OLA1: variants seen among roughly 807,000 people sequenced by gnomAD.
OLA1 encodes the protein Obg like ATPase 1.
Under a neutral mutation model 48.4 loss-of-function variants are expected in OLA1, and 14 were observed. The observed-to-expected ratio is 0.29, with a 90% CI of 0.19 to 0.45. The LOEUF (loss-of-function observed/expected upper bound fraction) is 0.45, where lower values mean the gene tolerates loss of function less well. OLA1 is among the 20% of genes least tolerant of loss of function. OLA1 has a pLI of 1.00. For missense variants in OLA1, 325 were observed against 467.1 expected (o/e 0.70, Z 2.80); for synonymous variants, 127 against 150.4 (o/e 0.84, Z 1.14).
intron 4 of OLA1, among the ~76,000 whole-genome samples, chr2:174,176,550 T>G (rs896371772): frequency 6.6e-6 from 1 of 152,164 alleles, no homozygotes; most frequent in Non-Finnish European, 1.5e-5. Context: ...TTTCTACTTC[T>G]AATGATTTGG....
At position 174,213,310 on chromosome 2, in the gene OLA1, T is replaced by C. The variant is rs374298254; in HGVS notation, c.373+9723A>G. On this transcript the variant is annotated intron_variant, in intron 4 of 10. Transcript: ENST00000284719. Reference sequence around the variant, plus strand: ...CAAGGTCATATCTCTAAGTACCTATTGAGAAACCTTAACAAGTTTTATCTG... The same window carrying C: ...CAAGGTCATATCTCTAAGTACCTATCGAGAAACCTTAACAAGTTTTATCTG... Among the ~76,000 whole-genome samples, 125 of 152,326 alleles carry C rather than the reference T, an allele frequency of 8.2e-4. 5 individuals are homozygous for C. Among genetic ancestry groups the C allele is most frequent in the Middle Eastern group, 3.4e-3 (1 of 294 alleles).
intron 5 of OLA1, among the ~76,000 whole-genome samples, chr2:174,123,921 C>T (rs1379076011): frequency 1.3e-5 from 2 of 151,950 alleles, no homozygotes; most frequent in Non-Finnish European, 2.9e-5. Context: ...TGAAAAATGT[C>T]AAGACAATTC....
At chr2:174,223,993 T>C (rs1236415796) in intron 3 of OLA1, among the ~76,000 whole-genome samples, 1 of 152,214 alleles carries the variant, frequency 6.6e-6, no homozygotes, top group African/African-American at 2.4e-5. Flanking sequence ...ACTTTTAATG[T>C]CATATGACAA....
chr2:174,177,800 T>C (rs1462827174), intron 4 of OLA1, among the ~76,000 whole-genome samples: 4 of 152,074 alleles, frequency 2.6e-5, no homozygotes, highest in African/African-American at 7.2e-5. Context: ...TCTTAAAGTT[T>C]TTCCAGACTT....
At chr2:174,218,371 G>T (rs988652190) in intron 4 of OLA1, among the ~76,000 whole-genome samples, 8 of 150,222 alleles carry the variant, frequency 5.3e-5, no homozygotes, top group Admixed American at 5.3e-4. Context: ...CTTTCCTGAT[G>T]AAAAAAAAAC....
chr2:174,191,654 G>T (rs1171472839), intron 4 of OLA1, among the ~76,000 whole-genome samples: 1 of 151,798 alleles, frequency 6.6e-6, no homozygotes, highest in African/African-American at 2.4e-5. Flanking sequence ...GTAGATATGG[G>T]GTCTCACTGT....
At position 174,123,163 on chromosome 2, in the gene OLA1, G is replaced by A. The variant is rs1165326546; in HGVS notation, c.728+17C>T. The A allele has an allele frequency of 8.2e-7, 1 of 1,220,346 alleles. No individual in the cohort carries two copies. The highest frequency in any genetic ancestry group is 1.2e-6 in the Non-Finnish European group (1 of 827,798). The allele number at this position is 1,220,346 out of a possible 1,614,324, so 75.6% of individuals were successfully genotyped here. A position where few individuals can be genotyped will look rare whatever the true frequency, so the allele number is the denominator to read the frequency against. Reference sequence around the variant, plus strand: ...AGAGATGATGCATCTGGGTATATCTGGTGAGGAAAAACTTACCATTTGTTT... The same window carrying A: ...AGAGATGATGCATCTGGGTATATCTAGTGAGGAAAAACTTACCATTTGTTT... On this transcript the variant is annotated intron_variant, in intron 7 of 10. Coordinates refer to ENST00000284719, the MANE Select transcript of OLA1 (RefSeq NM_013341.5).
chr2:174,127,803 A>G (rs1355703445), intron 5 of OLA1, among the ~76,000 whole-genome samples: 3 of 152,126 alleles, frequency 2.0e-5, no homozygotes, highest in Admixed American at 6.5e-5. Flanking sequence ...GACCCAAAAC[A>G]TGCTTTAGCC....
At chr2:174,126,505 A>G (rs189430617) in intron 5 of OLA1, among the ~76,000 whole-genome samples, 8 of 152,330 alleles carry the variant, frequency 5.3e-5, no homozygotes, top group Admixed American at 5.2e-4. Context: ...GATACATAAA[A>G]ATTCCTGGTC....
intron 4 of OLA1, among the ~76,000 whole-genome samples, chr2:174,162,414 C>A (rs555731099): frequency 6.6e-6 from 1 of 152,208 alleles, no homozygotes; most frequent in Non-Finnish European, 1.5e-5. Context: ...TATGGAATAA[C>A]AGCAATACTC....
chr2:174,090,885 G>A (rs1376966575), intron 7 of OLA1, among the ~76,000 whole-genome samples: 1 of 152,194 alleles, frequency 6.6e-6, no homozygotes, highest in African/African-American at 2.4e-5. Context: ...ACTCTAATTT[G>A]TTCTTTAAGA....
chr2:174,190,684 A>T (rs577261315), intron 4 of OLA1, among the ~76,000 whole-genome samples: 2 of 152,230 alleles, frequency 1.3e-5, no homozygotes, highest in Admixed American at 1.3e-4. Flanking sequence ...ACCACACATT[A>T]GTAATTATCA....
intron 7 of OLA1, among the ~76,000 whole-genome samples, chr2:174,093,488 C>A (rs1202340475): frequency 2.0e-5 from 3 of 150,764 alleles, no homozygotes; most frequent in Non-Finnish European, 4.4e-5. Context: ...ACCAAACAAA[C>A]CACCAACCAA....
intron 2 of OLA1, 90 bp downstream of exon 2, chr2:174,246,625 A>G: frequency 1.2e-6 from 1 of 836,190 alleles, no homozygotes; most frequent in Non-Finnish European, 2.0e-6. Context: ...TCTTCAACTT[A>G]AAGTTTAATT....
chr2:174,152,198 G>A (rs1015810810), intron 4 of OLA1, among the ~76,000 whole-genome samples: 2 of 152,166 alleles, frequency 1.3e-5, no homozygotes, highest in African/African-American at 4.8e-5. Flanking sequence ...CCTAAGGTCA[G>A]GAGTTCGAGA....
At chr2:174,223,394 T>C (rs1378198469) in intron 3 of OLA1, among the ~76,000 whole-genome samples, 1 of 152,216 alleles carries the variant, frequency 6.6e-6, no homozygotes, top group Non-Finnish European at 1.5e-5. Flanking sequence ...AGAATAAATG[T>C]ATTTATCGTG....
At chr2:174,083,267 G>A (rs186705727) in intron 7 of OLA1, among the ~76,000 whole-genome samples, 317 of 152,142 alleles carry the variant, frequency 2.1e-3, no homozygotes, top group African/African-American at 7.0e-3. Context: ...TGCCACTTTA[G>A]GGGAAAAGAA....
intron 4 of OLA1, among the ~76,000 whole-genome samples, chr2:174,209,088 T>A (rs1688182345): frequency 6.6e-6 from 1 of 152,154 alleles, no homozygotes; most frequent in South Asian, 2.1e-4. Context: ...AGCTTAGAAA[T>A]TTGAGACCAC....
At chr2:174,173,974 AG>A (rs1259419481) in intron 4 of OLA1, among the ~76,000 whole-genome samples, 2 of 150,906 alleles carry the variant, frequency 1.3e-5, no homozygotes, top group African/African-American at 4.9e-5. Context: ...GTCCTACATC[AG>A]TTCAAGAAAT....
Sources: allele counts gnomAD v4.1 joint callset (sites outside exome capture counted in the v4.1 genomes callset), GRCh38; gene constraint gnomAD v4.1.1; transcripts MANE v1.5; gene names NCBI Gene and HGNC (gene_info 2026-07-23, HGNC 2026-07-21).